IL1RAPL2: variants seen among roughly 807,000 people sequenced by gnomAD.
IL1RAPL2 encodes the protein interleukin 1 receptor accessory protein like 2.
A neutral mutation model predicts 44.1 loss-of-function variants in IL1RAPL2; 3 were observed. The ratio of observed to expected loss-of-function variants is 0.07; its 90% CI spans 0.03 to 0.18. The LOEUF (loss-of-function observed/expected upper bound fraction) is 0.18, where lower values mean the gene tolerates loss of function less well. Among genes scored for constraint, IL1RAPL2 ranks in the 10% least tolerant of loss-of-function variants. The pLI is 1.00. For missense variants in IL1RAPL2, 391 were observed against 496.4 expected (o/e 0.79, Z 2.02); for synonymous variants, 181 against 178.8 (o/e 1.01, Z -0.10).
At chrX:105,712,873 G>C (rs1445539993) in intron 6 of IL1RAPL2, among the ~76,000 whole-genome samples, 1 of 112,225 alleles carries the variant, frequency 8.9e-6, no homozygotes, top group Non-Finnish European at 1.9e-5. Context: ...ACAGGCATTG[G>C]GTAAATGTTC....
chrX:105,250,521 A>AT (rs2034260282), intron 4 of IL1RAPL2, among the ~76,000 whole-genome samples: 1 of 110,568 alleles, frequency 9.0e-6, no homozygotes, highest in African/African-American at 3.3e-5. Flanking sequence ...TTTCTGCACA[A>AT]TTTTTTCTAT....
At position 104,942,516 on chromosome X, in the gene IL1RAPL2, G is replaced by A. The variant is rs778998236; in HGVS notation, c.83-252959G>A. 4.0e-3 allele frequency among the ~76,000 whole-genome samples: 445 copies of A among 111,138 alleles called. 7 individuals carry two copies. Among genetic ancestry groups the A allele is most frequent in the African/African-American group, 0.013 (410 of 30,570 alleles). On this transcript the variant is annotated intron_variant, in intron 2 of 10. Coordinates refer to ENST00000372582, the MANE Select transcript of IL1RAPL2 (RefSeq NM_017416.2). ...GCTCTCTGTCTGTTATTGGTGTATA[G>A]GAATGCTTGTGATTTTTGCACATTG...
chrX:104,709,143 G>A (rs897896851), intron 2 of IL1RAPL2, among the ~76,000 whole-genome samples: 3 of 110,006 alleles, frequency 2.7e-5, no homozygotes, highest in Non-Finnish European at 5.7e-5. Flanking sequence ...TTTGACCATA[G>A]GTAAGCTACC....
At chrX:105,407,593 A>G (rs181333183) in intron 5 of IL1RAPL2, among the ~76,000 whole-genome samples, 2 of 111,422 alleles carry the variant, frequency 1.8e-5, no homozygotes, top group African/African-American at 6.5e-5. Flanking sequence ...GTGAGATTAG[A>G]CTCCCTAAGA....
At chrX:104,854,757 C>G (rs1922313037) in intron 2 of IL1RAPL2, among the ~76,000 whole-genome samples, 1 of 110,492 alleles carries the variant, frequency 9.1e-6, no homozygotes, top group African/African-American at 3.3e-5. Context: ...AAAGCAATAT[C>G]TAAAAGGGGA....
At chrX:105,513,468 G>A (rs1036331486) in intron 6 of IL1RAPL2, among the ~76,000 whole-genome samples, 1 of 111,561 alleles carries the variant, frequency 9.0e-6, no homozygotes, top group African/African-American at 3.3e-5. Context: ...ATTCTAACTG[G>A]CGTGAGATGG....
At chrX:105,397,016 C>T (rs940058427) in intron 5 of IL1RAPL2, among the ~76,000 whole-genome samples, 1 of 109,715 alleles carries the variant, frequency 9.1e-6, no homozygotes, top group East Asian at 2.9e-4. Flanking sequence ...ATTAGATTTT[C>T]GTAGCAGCAC....
chrX:104,878,251 C>T lies in IL1RAPL2; in HGVS notation c.82+219256C>T, dbSNP rs183488640. Among the ~76,000 whole-genome samples, 266 of 111,532 alleles carry T rather than the reference C, an allele frequency of 2.4e-3. 1 individual carries two copies. The highest frequency in any genetic ancestry group is 2.2e-3 in the Non-Finnish European group (119 of 53,059). On this transcript the variant is annotated intron_variant, in intron 2 of 10. Transcript: ENST00000372582. ...ATCTGGCTTTCCACTAATATTATACCATCCCTGATGTGACAATTCAATGGT... is the reference window on the plus strand; with the variant it reads ...ATCTGGCTTTCCACTAATATTATACTATCCCTGATGTGACAATTCAATGGT...
intron 9 of IL1RAPL2, among the ~76,000 whole-genome samples, chrX:105,753,798 C>T (rs2038615082): frequency 8.9e-6 from 1 of 111,750 alleles, no homozygotes; most frequent in Non-Finnish European, 1.9e-5. Context: ...GAGTATTAAC[C>T]CTTTCTCCTT....
At chrX:104,585,888 A>G (rs1435759055) in intron 1 of IL1RAPL2, among the ~76,000 whole-genome samples, 1 of 111,114 alleles carries the variant, frequency 9.0e-6, no homozygotes, top group African/African-American at 3.3e-5. Flanking sequence ...TATTGTGAAT[A>G]GTGGTGCAAT....
chrX:105,472,150 C>T (rs773537288), intron 5 of IL1RAPL2, among the ~76,000 whole-genome samples: 39 of 111,672 alleles, frequency 3.5e-4, no homozygotes, highest in African/African-American at 1.2e-3. Flanking sequence ...GTACAGAAAA[C>T]ACTATGGTGG....
intron 6 of IL1RAPL2, among the ~76,000 whole-genome samples, chrX:105,573,993 A>C (rs1018976811): frequency 9.0e-6 from 1 of 111,653 alleles, no homozygotes; most frequent in Non-Finnish European, 1.9e-5. Context: ...GAATGGGAAG[A>C]CCACTAAGGA....
rs188579661 is a variant in IL1RAPL2, at chrX:105,726,507, A to G, written c.902+9011A>G. On this transcript the variant is annotated intron_variant, in intron 7 of 10. Coordinates refer to ENST00000372582, the MANE Select transcript of IL1RAPL2 (RefSeq NM_017416.2). ...CTGAGAATAAGCAGCCCTGCTATTA[A>G]TCAGGCTGGGAGGACAGACAGATAA... Among the ~76,000 whole-genome samples, 283 of 111,887 alleles carry G rather than the reference A, an allele frequency of 2.5e-3. 2 individuals are homozygous for G. Among genetic ancestry groups the G allele is most frequent in the Non-Finnish European group, 4.2e-3 (222 of 53,133 alleles).
At chrX:104,810,085 TA>T (rs1331095399) in intron 2 of IL1RAPL2, among the ~76,000 whole-genome samples, 2 of 110,134 alleles carry the variant, frequency 1.8e-5, no homozygotes, top group African/African-American at 3.3e-5. Flanking sequence ...TATGCAGCCA[TA>T]AAAAATGATG....
At chrX:104,769,649 C>A (rs963324668) in intron 2 of IL1RAPL2, among the ~76,000 whole-genome samples, 1 of 111,902 alleles carries the variant, frequency 8.9e-6, no homozygotes, top group African/African-American at 3.2e-5. Context: ...AGGCTTCAAA[C>A]GTGTTCAACT....
chrX:105,330,235 A>G (rs1489437427), intron 5 of IL1RAPL2, among the ~76,000 whole-genome samples: 2 of 111,387 alleles, frequency 1.8e-5, no homozygotes, highest in Non-Finnish European at 3.8e-5. Flanking sequence ...CTTCTGATTG[A>G]TATGTGACAT....
chrX:104,853,240 T>C (rs1369405281), intron 2 of IL1RAPL2, among the ~76,000 whole-genome samples: 1 of 111,819 alleles, frequency 8.9e-6, no homozygotes, highest in African/African-American at 3.2e-5. Context: ...GTACATAATA[T>C]TGTGAAATAT....
intron 2 of IL1RAPL2, among the ~76,000 whole-genome samples, chrX:104,798,862 G>T (rs1479142387): frequency 1.8e-5 from 2 of 110,478 alleles, no homozygotes; most frequent in African/African-American, 6.6e-5. Context: ...CTTTTTCATT[G>T]CTCTGGAGGG....
At position 105,201,426 on chromosome X, in the gene IL1RAPL2, G is replaced by A. The variant is rs60386793; in HGVS notation, c.356+5678G>A. ...TTGAAATAGTCCATAACAAAAAAAA[G>A]AAGAAATAAATGTAAGTATACAGTA... is the stretch of plus-strand genomic sequence containing the variant. On this transcript the variant is annotated intron_variant, in intron 3 of 10. Coordinates refer to ENST00000372582, the MANE Select transcript of IL1RAPL2 (RefSeq NM_017416.2). 7.2e-3 allele frequency among the ~76,000 whole-genome samples: 805 copies of A among 111,640 alleles called. 8 individuals carry two copies. Among genetic ancestry groups the A allele is most frequent in the African/African-American group, 0.025 (766 of 30,597 alleles).
Sources: allele counts gnomAD v4.1 joint callset (sites outside exome capture counted in the v4.1 genomes callset), GRCh38; gene constraint gnomAD v4.1.1; transcripts MANE v1.5; gene names NCBI Gene and HGNC (gene_info 2026-07-23, HGNC 2026-07-21).